The following JAKMIP2 variants were observed in gnomAD, a reference collection of about 807,000 sequenced individuals.
The protein encoded by JAKMIP2 is janus kinase and microtubule interacting protein 2.
JAKMIP2 carries 25 observed loss-of-function variants against 115.0 expected under a neutral mutation model. That is an observed-to-expected ratio of 0.22 (90% CI 0.16 to 0.30). The LOEUF is 0.30. Among genes scored for constraint, JAKMIP2 ranks in the 10% least tolerant of loss-of-function variants. The pLI is 1.00. For synonymous variants in JAKMIP2, 334 were observed against 343.6 expected (o/e 0.97, Z 0.31); for missense variants, 642 against 957.6 (o/e 0.67, Z 4.35).
intron 13 of JAKMIP2, 143 bp downstream of exon 13, chr5:147,632,537 C>T (rs1757412999): frequency 3.3e-6 from 2 of 602,530 alleles, no homozygotes; most frequent in Admixed American, 6.4e-5. Context: ...CAGTTGCCTC[C>T]ACTATATAAT....
At chr5:147,681,807 C>T (rs960671739) in intron 1 of JAKMIP2, among the ~76,000 whole-genome samples, 1 of 151,876 alleles carries the variant, frequency 6.6e-6, no homozygotes, top group Non-Finnish European at 1.5e-5. Context: ...TTTGGGAGGC[C>T]GAGGCAGGTG....
rs754645481 is a variant in JAKMIP2 at position 147,620,757 on chromosome 5, C to T, written c.2065-14G>A. 1.3e-6 allele frequency: 2 copies of T among 1,594,008 alleles called. No homozygotes were observed. Among genetic ancestry groups the T allele is most frequent in the Non-Finnish European group, 1.7e-6 (2 of 1,162,258 alleles). ...GCAGAACTGTTCCTATAACAAAGGG[C>T]CATATTGATAGAGTCAGCTTAGTTA... On this transcript the variant is annotated splice_polypyrimidine_tract_variant and intron_variant, in intron 17 of 21. Transcript: ENST00000616793.
intron 1 of JAKMIP2, among the ~76,000 whole-genome samples, chr5:147,675,474 T>G (rs75331148): frequency 7.7e-6 from 1 of 129,246 alleles, no homozygotes; most frequent in African/African-American, 2.9e-5. Flanking sequence ...CTTGTGCTGC[T>G]TTTTTTTTTT....
chr5:147,633,840 C>A (rs7734698), intron 12 of JAKMIP2, among the ~76,000 whole-genome samples: 8,449 of 119,848 alleles, frequency 0.07, 772 homozygotes, highest in African/African-American at 0.2. Flanking sequence ...CAGGTGCCTG[C>A]CACCAGGCCT....
At chr5:147,635,681 C>A (rs940130445) in intron 12 of JAKMIP2, among the ~76,000 whole-genome samples, 1 of 152,142 alleles carries the variant, frequency 6.6e-6, no homozygotes, top group Non-Finnish European at 1.5e-5. Flanking sequence ...CCTGTCTCAG[C>A]CTCCTAAGTA....
chr5:147,781,423 G>A (rs1381685269), intron 1 of JAKMIP2, among the ~76,000 whole-genome samples: 3 of 152,136 alleles, frequency 2.0e-5, no homozygotes, highest in African/African-American at 4.8e-5. Flanking sequence ...AAAAGGTTGG[G>A]GTGGCATTTC....
intron 1 of JAKMIP2, among the ~76,000 whole-genome samples, chr5:147,735,398 G>A (rs968123734): frequency 6.6e-6 from 1 of 152,164 alleles, no homozygotes; most frequent in Admixed American, 6.5e-5. Context: ...GTTCCACATG[G>A]CTGGAGAGGC....
intron 16 of JAKMIP2, among the ~76,000 whole-genome samples, chr5:147,626,602 C>T (rs1455741569): frequency 6.6e-6 from 1 of 152,124 alleles, no homozygotes. Context: ...ACCTAGTCTC[C>T]AGCAGTTAGA....
At chr5:147,609,865 T>C (rs1308480638) in intron 20 of JAKMIP2, among the ~76,000 whole-genome samples, 2 of 152,174 alleles carry the variant, frequency 1.3e-5, no homozygotes, top group East Asian at 3.9e-4. Flanking sequence ...TCATATTTCT[T>C]AGAAGCTTTG....
At chr5:147,634,517 T>C (rs73268145) in intron 12 of JAKMIP2, among the ~76,000 whole-genome samples, 4,756 of 152,304 alleles carry the variant, frequency 0.031, 263 homozygotes, top group African/African-American at 0.11. Flanking sequence ...TTCTACTTCC[T>C]AGAATCTTCT....
At chr5:147,672,651 A>G (rs1759680889) in intron 1 of JAKMIP2, among the ~76,000 whole-genome samples, 1 of 152,206 alleles carries the variant, frequency 6.6e-6, no homozygotes, top group Admixed American at 6.5e-5. Flanking sequence ...ATAGGCATGA[A>G]TTGTTTCAGA....
intron 19 of JAKMIP2, among the ~76,000 whole-genome samples, chr5:147,612,647 G>C (rs1756390807): frequency 6.6e-6 from 1 of 152,196 alleles, no homozygotes; most frequent in African/African-American, 2.4e-5. Context: ...CCTTCCTAGT[G>C]AGGTGTAGAT....
chr5:147,741,747 G>A (rs1355728324), intron 1 of JAKMIP2, among the ~76,000 whole-genome samples: 1 of 152,062 alleles, frequency 6.6e-6, no homozygotes, highest in African/African-American at 2.4e-5. Context: ...CTATAATTAA[G>A]TATTGAATTA....
Position 147,629,740 on chromosome 5 carries a change from T to G in JAKMIP2, c.1882A>C (p.Asn628His), listed in dbSNP as rs759600749. The G allele has an allele frequency of 6.2e-7, 1 of 1,611,892 alleles. No individual in the cohort carries two copies. Among genetic ancestry groups the G allele is most frequent in the East Asian group, 2.2e-5 (1 of 44,818 alleles). ...YCMKEGVKDV[N>H]IPDLIKQLDI... ...AGCTGCTTTATGAGATCAGGGATGT[T>G]CACATCCTGCAAAATCAAGCAGAAA... The change falls in exon 15 of 22, where the codon AAC becomes CAC. Residue 628 changes from asparagine (N) to histidine (H), a missense_variant. By Grantham distance (68) the Asn-to-His change is moderately conservative. Around this residue, in one of 6 missense-constraint regions of JAKMIP2, gnomAD observed 103 missense variants for 177.6 expected, o/e 0.58. Transcript: ENST00000616793.
intron 1 of JAKMIP2, among the ~76,000 whole-genome samples, chr5:147,778,867 C>A (rs918756554): frequency 1.2e-4 from 18 of 152,084 alleles, no homozygotes; most frequent in Non-Finnish European, 2.1e-4. Flanking sequence ...TCATATAAAA[C>A]CTCTACAAAT....
rs148900537 is a variant in JAKMIP2, at chr5:147,693,560, T to C, written c.-148-21606A>G. Among the ~76,000 whole-genome samples, 800 of 152,158 alleles carry C rather than the reference T, an allele frequency of 5.3e-3. 18 individuals carry two copies. Among genetic ancestry groups the C allele is most frequent in the African/African-American group, 0.016 (683 of 41,518 alleles). On this transcript the variant is annotated intron_variant, in intron 1 of 21. Transcript: ENST00000616793. ...TGTGGGATTACGGGTGGCAAAGAGA[T>C]ATCACAAACACATTTTTTAATAAAA...
Position 147,782,609 on chromosome 5 carries a change from A to G in JAKMIP2, c.-302T>C. ...CTGTCTCTGGTTGGCGATGGTGCGA[A>G]TAGGAACCACCCTTCCAGCCCCACT... On this transcript the variant is annotated 5_prime_UTR_variant, in exon 1 of 22. Transcript: ENST00000616793. 1.3e-6 allele frequency: 1 copy of G among 765,898 alleles called. No homozygotes were observed. Among genetic ancestry groups the G allele is most frequent in the South Asian group, 1.5e-5 (1 of 68,464 alleles). 47.4% of individuals were successfully genotyped at this position (765,898 alleles called of 1,614,324 possible).
intron 1 of JAKMIP2, among the ~76,000 whole-genome samples, chr5:147,692,184 TC>T (rs1484229648): frequency 1.3e-5 from 2 of 152,110 alleles, no homozygotes; most frequent in Non-Finnish European, 2.9e-5. Flanking sequence ...TACAGATATA[TC>T]CAGGGGAGAA....
chr5:147,617,830 C>G (rs893471614), intron 19 of JAKMIP2, 81 bp downstream of exon 19: 13 of 1,096,570 alleles, frequency 1.2e-5, no homozygotes, highest in Non-Finnish European at 1.8e-5. Flanking sequence ...TTCTCCGTAC[C>G]CATACTCAAT....
Sources: gnomAD v4.1 joint callset for allele counts (sites outside exome capture counted in the v4.1 genomes callset) on GRCh38, gnomAD v4.1.1 for gene constraint, gnomAD v4.1.1 regional missense constraint, MANE v1.5 for transcripts, NCBI Gene and HGNC (gene_info 2026-07-23, HGNC 2026-07-21) for gene names.